GEN1: variants seen among roughly 807,000 people sequenced by gnomAD.
GEN1 encodes the protein GEN1 structure-specific endonuclease.
GEN1 carries 64 observed loss-of-function variants against 67.6 expected under a neutral mutation model. The observed-to-expected ratio is 0.95, with a 90% CI of 0.77 to 1.17. GEN1 has a LOEUF of 1.17. GEN1 is among the 50% of genes most tolerant of loss of function. The pLI is 0.00. For missense variants in GEN1, 1,058 were observed against 1,048.3 expected, an observed-to-expected ratio of 1.01 and a Z score of -0.13; for synonymous variants, 371 against 359.4, an observed-to-expected ratio of 1.03 and a Z score of -0.37.
chr2:17,775,077 C>T (rs1407232888), intron 11 of GEN1, among the ~76,000 whole-genome samples: 1 of 152,094 alleles, frequency 6.6e-6, no homozygotes, highest in Non-Finnish European at 1.5e-5. Flanking sequence ...GAATTCACTT[C>T]GGATTAAATT....
At position 17,786,657 on chromosome 2, in the gene GEN1, T is replaced by G. The variant is rs1031159856; in HGVS notation, c.*4718T>G. 1 of 152,190 alleles carries G rather than the reference T, an allele frequency of 6.6e-6. No individual in the cohort carries two copies. The highest frequency in any genetic ancestry group is 2.4e-5 in the African/African-American group (1 of 41,434). The allele number at this position is 152,190 out of a possible 1,614,324, so 9.4% of individuals were successfully genotyped here. ...GAAAACAATTCTCTGTATTTATGTT[T>G]CCATACATCATTCAGTTCTTGACTC... On this transcript the variant is annotated 3_prime_UTR_variant, in exon 14 of 14. Transcript: ENST00000381254.
In GEN1 at chr2:17,771,214, A is replaced by G. The variant is rs764671245; in HGVS notation, c.729A>G (p.Glu243=). The G allele has an allele frequency of 6.2e-7, 1 of 1,610,804 alleles. No individual in the cohort carries two copies. Among genetic ancestry groups the G allele is most frequent in the South Asian group, 1.1e-5 (1 of 91,032 alleles). ...ATTAAAGGTTTAATCGGTGGAATGA[A>G]ACATCTTGTAACTCTAGTCCACAAC... ...SLLQRFNRWN[E]TSCNSSPQLL... The change falls in exon 7 of 14, where the codon GAA becomes GAG. Residue 243 remains glutamate, a synonymous_variant. Coordinates refer to ENST00000381254, the MANE Select transcript of GEN1 (RefSeq NM_001130009.3).
At chr2:17,753,699 C>G (rs1341358615), upstream of GEN1, 2 of 152,254 alleles carry the variant, frequency 1.3e-5, no homozygotes, top group Non-Finnish European at 2.9e-5. Flanking sequence ...GCTAAGGCCA[C>G]CCTGCGGGCG....
At chr2:17,759,190 A>G (rs1299028393) in intron 1 of GEN1, among the ~76,000 whole-genome samples, 2 of 152,232 alleles carry the variant, frequency 1.3e-5, no homozygotes, top group Non-Finnish European at 2.9e-5. Flanking sequence ...TTCATTGCAC[A>G]TGCTACTTAA....
At chr2:17,767,125 G>A (rs1671970886) in intron 5 of GEN1, among the ~76,000 whole-genome samples, 1 of 152,138 alleles carries the variant, frequency 6.6e-6, no homozygotes, top group African/African-American at 2.4e-5. Context: ...ATTGGGATAA[G>A]CCATTCATAT....
Position 17,772,764 on chromosome 2 carries a change from A to G in GEN1, c.933A>G (p.Glu311=), listed in dbSNP as rs915911691. 1 of 1,610,018 alleles carries G rather than the reference A, an allele frequency of 6.2e-7. No individual in the cohort carries two copies. The highest frequency in any genetic ancestry group is 8.5e-7 in the Non-Finnish European group (1 of 1,177,902). The change falls in exon 8 of 14, where the codon GAA becomes GAG. Residue 311 remains glutamate, a synonymous_variant. Coordinates refer to ENST00000381254, the MANE Select transcript of GEN1 (RefSeq NM_001130009.3). ...CAGAACATGATAGGCAACTCAGTGA[A>G]GTAGAGAACAATATTAAGAAGTAAG... The part of the protein sequence containing the change: ...HRTEHDRQLS[E]VENNIKKKAC...
chr2:17,763,184 CCT>C (rs1201034346), intron 3 of GEN1, among the ~76,000 whole-genome samples: 1 of 151,746 alleles, frequency 6.6e-6, no homozygotes, highest in Non-Finnish European at 1.5e-5. Context: ...CCATTTTTCT[CCT>C]CTTCTGAAAT....
chr2:17,753,317 G>A (rs1671164541), upstream of GEN1, among the ~76,000 whole-genome samples: 1 of 152,256 alleles, frequency 6.6e-6, no homozygotes, highest in African/African-American at 2.4e-5. Context: ...CACAGCCCGG[G>A]AGAGTCTGGG....
At chr2:17,759,783 A>T in intron 1 of GEN1, 146 bp from the exon 2 acceptor site, 1 of 604,278 alleles carries the variant, frequency 1.7e-6, no homozygotes, top group Non-Finnish European at 2.7e-6. Flanking sequence ...GGTGTTCTTA[A>T]TTCATTTTGA....
chr2:17,756,060 TG>T (rs1207697864), intron 1 of GEN1, among the ~76,000 whole-genome samples: 1 of 152,212 alleles, frequency 6.6e-6, no homozygotes, highest in African/African-American at 2.4e-5. Context: ...TGCTACCAGT[TG>T]GTCATGCAAT....
rs775720967 is a variant in GEN1 at position 17,761,434 on chromosome 2, A to G, written c.200A>G (p.Asp67Gly). ...FFRISYLTQM[D>G]VKLVFVMEGE... ...CGTATCTCATATTTAACACAAATGG[A>G]TGTAAAACTGGTATTTGTTATGGAA... Residue 67 changes from aspartate to glycine, a missense_variant, in exon 3 of 14, where the codon GAT (aspartate) becomes GGT (glycine). Physicochemically the swap from Asp to Gly is moderately conservative, Grantham distance 94. Coordinates refer to ENST00000381254, the MANE Select transcript of GEN1 (RefSeq NM_001130009.3). 5 of 1,608,714 alleles carry G rather than the reference A, an allele frequency of 3.1e-6. No individual in the cohort carries two copies. Among genetic ancestry groups the G allele is most frequent in the Non-Finnish European group, 1.7e-6 (2 of 1,175,634 alleles).
rs193175683 is a variant in GEN1 at position 17,772,935 on chromosome 2, C to T, written c.953+151C>T. On this transcript the variant is annotated intron_variant, in intron 8 of 13. Coordinates refer to ENST00000381254, the MANE Select transcript of GEN1 (RefSeq NM_001130009.3). ...CATTTCTGTTCAAAAATTTAGCTAACCTAGGAGATAGTAATGTAATAGTTA... is the reference window on the plus strand; with the variant it reads ...CATTTCTGTTCAAAAATTTAGCTAATCTAGGAGATAGTAATGTAATAGTTA... 3.3e-3 allele frequency: 2,907 copies of T among 880,678 alleles called. 17 individuals carry two copies. Among genetic ancestry groups the T allele is most frequent in the Non-Finnish European group, 3.3e-3 (1,892 of 582,016 alleles). The allele number at this position is 880,678 out of a possible 1,614,324, so 54.6% of individuals were successfully genotyped here.
In GEN1 at chr2:17,782,065, A is replaced by C. The variant is rs1173121517; in HGVS notation, c.*126A>C. On this transcript the variant is annotated 3_prime_UTR_variant, in exon 14 of 14. Transcript: ENST00000381254. ...TTCTCTGTGTCATGAAACACTTGCC[A>C]TTTTAATCAAAGTTGTAATTTTTAA... 5.4e-6 allele frequency: 3 copies of C among 558,216 alleles called. No homozygotes were observed. In the African/African-American group the frequency reaches 5.8e-5, roughly 11 times the overall value. 34.6% of individuals were successfully genotyped at this position (558,216 alleles called of 1,614,324 possible).
Position 17,761,496 on chromosome 2 carries a change from A to G in GEN1, c.262A>G (p.Lys88Glu), listed in dbSNP as rs757959810. ...AAAGCTGAAAGCTGATGTCATAAGCAAGAGGAATCAGTCTCGGTATGGGTC... is the reference window on the plus strand; with the variant it reads ...AAAGCTGAAAGCTGATGTCATAAGCGAGAGGAATCAGTCTCGGTATGGGTC... ...PPKLKADVIS[K>E]RNQSRYGSSG... Residue 88 changes from lysine to glutamate, a missense_variant, in exon 3 of 14, where the codon AAG becomes GAG. Lys to Glu is a moderately conservative substitution (Grantham distance 56). Coordinates refer to ENST00000381254, the MANE Select transcript of GEN1 (RefSeq NM_001130009.3). 5.6e-6 allele frequency: 9 copies of G among 1,613,342 alleles called. No individual in the cohort carries two copies. Among genetic ancestry groups the G allele is most frequent in the Non-Finnish European group, 7.6e-6 (9 of 1,179,304 alleles).
At chr2:17,777,588 A>C (rs1225672671) in intron 11 of GEN1, among the ~76,000 whole-genome samples, 1 of 152,186 alleles carries the variant, frequency 6.6e-6, no homozygotes, top group Non-Finnish European at 1.5e-5. Flanking sequence ...TCACCTATTA[A>C]AAGACAGATT....
rs1270602185 is a variant in GEN1 at position 17,773,105 on chromosome 2, C to T, written c.963C>T (p.Cys321=). ...EVENNIKKKA[C]CCEGFPFHEV... ...ATAATTTTTTTTTCAGGAAAGCTTG[C>T]TGTTGTGAGGGATTCCCATTCCATG... Residue 321 remains cysteine, a synonymous_variant, in exon 9 of 14, where the codon TGC becomes TGT. Coordinates refer to ENST00000381254, the MANE Select transcript of GEN1 (RefSeq NM_001130009.3). The T allele has an allele frequency of 5.7e-6, 9 of 1,576,912 alleles. No homozygotes were observed. Among genetic ancestry groups the T allele is most frequent in the Non-Finnish European group, 7.8e-6 (9 of 1,149,838 alleles).
intron 11 of GEN1, 28 bp from the exon 12 acceptor site, chr2:17,777,974 G>A: frequency 7.7e-7 from 1 of 1,292,722 alleles, no homozygotes; most frequent in Non-Finnish European, 1.1e-6. Flanking sequence ...TATGCAATTA[G>A]ACTTCATTAA....
At chr2:17,758,223 A>G (rs1216234310) in intron 1 of GEN1, among the ~76,000 whole-genome samples, 2 of 152,234 alleles carry the variant, frequency 1.3e-5, no homozygotes, top group Non-Finnish European at 2.9e-5. Context: ...TGGAAGAGAT[A>G]TTGCTAAACC....
chr2:17,774,433 G>A, intron 11 of GEN1, 32 bp downstream of exon 11: 1 of 1,525,990 alleles, frequency 6.6e-7, no homozygotes, highest in Non-Finnish European at 8.8e-7. Flanking sequence ...TGAAGGTGGT[G>A]TTTTTACTTG....
Sources: gnomAD v4.1 joint callset for allele counts (sites outside exome capture counted in the v4.1 genomes callset) on GRCh38, gnomAD v4.1.1 for gene constraint, MANE v1.5 for transcripts, NCBI Gene and HGNC (gene_info 2026-07-23, HGNC 2026-07-21) for gene names.